The following GRIA3 variants were observed in gnomAD, a reference collection of about 807,000 sequenced individuals.
GRIA3 encodes the protein glutamate ionotropic receptor AMPA type subunit 3, also known as glutamate receptor 3.
Under a neutral mutation model 63.0 loss-of-function variants are expected in GRIA3, and 3 were observed. The observed-to-expected ratio is 0.05, with a 90% CI of 0.02 to 0.12. GRIA3 has a LOEUF of 0.12. GRIA3 is among the 10% of genes least tolerant of loss of function. The pLI, the probability that GRIA3 is intolerant of heterozygous loss-of-function variation, is 1.00. For synonymous variants in GRIA3, 274 were observed against 257.9 expected (o/e 1.06, Z -0.60); for missense variants, 347 against 700.9 (o/e 0.50, Z 5.70).
At chrX:123,203,988 C>T (rs6648979) in intron 2 of GRIA3, among the ~76,000 whole-genome samples, 7 of 111,922 alleles carry the variant, frequency 6.3e-5, no homozygotes, top group Admixed American at 1.9e-4. Flanking sequence ...CACTAGTGGG[C>T]GTCTTTTCCT....
At chrX:123,204,820 T>C in intron 2 of GRIA3, 1 of 258,316 alleles carries the variant, frequency 3.9e-6, no homozygotes, top group East Asian at 1.1e-4. Context: ...GGAAATCCCA[T>C]AGCTCATCTT....
At chrX:123,483,964 T>C (rs192902368) in intron 15 of GRIA3, among the ~76,000 whole-genome samples, 69 of 111,372 alleles carry the variant, frequency 6.2e-4, no homozygotes, top group African/African-American at 2.1e-3. Flanking sequence ...GGTGAAACAC[T>C]GCCACCTCAA....
At chrX:123,424,509 G>C (rs1033443921) in intron 11 of GRIA3, among the ~76,000 whole-genome samples, 8 of 111,700 alleles carry the variant, frequency 7.2e-5, no homozygotes, top group Non-Finnish European at 1.3e-4. Context: ...ATGCAAGCTT[G>C]TGCATTCCAC....
At chrX:123,423,484 T>C (rs1443978472) in intron 11 of GRIA3, among the ~76,000 whole-genome samples, 2 of 112,218 alleles carry the variant, frequency 1.8e-5, no homozygotes, top group Admixed American at 1.9e-4. Context: ...TAATAATAAA[T>C]TAATGAGGTA....
At chrX:123,465,256 C>A in intron 13 of GRIA3, 144 bp downstream of exon 13, 1 of 575,853 alleles carries the variant, frequency 1.7e-6, no homozygotes, top group Non-Finnish European at 2.7e-6. Flanking sequence ...TTAAATAAGA[C>A]GGTAAATTAT....
intron 5 of GRIA3, among the ~76,000 whole-genome samples, chrX:123,373,969 T>C (rs2045267130): frequency 8.9e-6 from 1 of 112,057 alleles, no homozygotes; most frequent in Non-Finnish European, 1.9e-5. Context: ...GGTTTTCTTC[T>C]AGGGTTTTTA....
chrX:123,189,639 T>G (rs1481553960), intron 2 of GRIA3, among the ~76,000 whole-genome samples: 1 of 112,844 alleles, frequency 8.9e-6, no homozygotes, highest in Non-Finnish European at 1.9e-5. Context: ...GATTACGCAC[T>G]GTTTGCAAGA....
At chrX:123,346,138 A>G (rs2045048027) in intron 4 of GRIA3, among the ~76,000 whole-genome samples, 1 of 111,856 alleles carries the variant, frequency 8.9e-6, no homozygotes, top group Non-Finnish European at 1.9e-5. Context: ...TAAGCCAGGC[A>G]GTCTAGCCTG....
intron 2 of GRIA3, among the ~76,000 whole-genome samples, chrX:123,243,785 C>G: frequency 8.9e-6 from 1 of 111,749 alleles, no homozygotes. Flanking sequence ...CTGCCACACA[C>G]TAGGAACCTG....
chrX:123,483,759 T>C (rs1377546793), intron 15 of GRIA3, among the ~76,000 whole-genome samples: 2 of 111,734 alleles, frequency 1.8e-5, no homozygotes, highest in East Asian at 5.7e-4. Context: ...GGTGAAACCC[T>C]GTCTCTACTA....
At chrX:123,244,765 T>A (rs182778542) in intron 2 of GRIA3, among the ~76,000 whole-genome samples, 1 of 112,110 alleles carries the variant, frequency 8.9e-6, no homozygotes, top group Non-Finnish European at 1.9e-5. Flanking sequence ...CATCTTACAA[T>A]GCACAGGACA....
intron 13 of GRIA3, among the ~76,000 whole-genome samples, chrX:123,479,342 C>A (rs771952664): frequency 8.9e-6 from 1 of 112,016 alleles, no homozygotes; most frequent in Admixed American, 9.4e-5. Context: ...CAAAAACAAT[C>A]CATAGACCAG....
chrX:123,470,984 T>C (rs2045859488), intron 13 of GRIA3, among the ~76,000 whole-genome samples: 1 of 112,294 alleles, frequency 8.9e-6, no homozygotes, highest in Non-Finnish European at 1.9e-5. Context: ...TGGCACTTCC[T>C]GGGTCTTAGC....
chrX:123,316,247 A>C (rs1447415846), intron 3 of GRIA3, among the ~76,000 whole-genome samples: 2 of 111,695 alleles, frequency 1.8e-5, no homozygotes, highest in Non-Finnish European at 3.8e-5. Flanking sequence ...GGACAAAGGA[A>C]ATAAACAGGC....
rs769755692 is a variant in GRIA3 at position 123,347,487 on chromosome X, A to C, written c.697-7423A>C. On this transcript the variant is annotated intron_variant, in intron 4 of 15. Coordinates refer to ENST00000620443, the MANE Select transcript of GRIA3 (RefSeq NM_007325.5). ...CACTCACTTCTTTCAGCAATCAGAAAATCTCCATAGATGAGGATATCAAGT... is the reference window on the plus strand; with the variant it reads ...CACTCACTTCTTTCAGCAATCAGAACATCTCCATAGATGAGGATATCAAGT... 2.7e-5 allele frequency among the ~76,000 whole-genome samples: 3 copies of C among 112,391 alleles called. No individual in the cohort carries two copies. The South Asian group carries it at 1.1e-3, about 41-fold the overall frequency.
In GRIA3 at chrX:123,413,059, T is replaced by C. The variant is rs766428254; in HGVS notation, c.1501-4343T>C. Among the ~76,000 whole-genome samples, 3 of 112,048 alleles carry C rather than the reference T, an allele frequency of 2.7e-5. No individual in the cohort carries two copies. In the East Asian group the frequency reaches 8.5e-4, roughly 32 times the overall value. On this transcript the variant is annotated intron_variant, in intron 10 of 15. Transcript: ENST00000620443. ...AATGGCCTTCTTTGGGAATCTGTTC[T>C]TTTGATGAATGTTCCTGGGAATCAG...
intron 4 of GRIA3, among the ~76,000 whole-genome samples, chrX:123,345,556 C>T (rs1004171330): frequency 2.7e-5 from 3 of 109,275 alleles, no homozygotes; most frequent in Admixed American, 9.8e-5. Flanking sequence ...ATGCTAGGGG[C>T]GGGAGAGGAT....
intron 5 of GRIA3, among the ~76,000 whole-genome samples, chrX:123,377,080 G>A (rs942707262): frequency 9.2e-6 from 1 of 109,234 alleles, no homozygotes; most frequent in African/African-American, 3.3e-5. Context: ...GACTATAGGC[G>A]CCCGCCACCA....
intron 3 of GRIA3, among the ~76,000 whole-genome samples, chrX:123,264,034 G>A (rs899857956): frequency 8.9e-6 from 1 of 112,152 alleles, no homozygotes; most frequent in African/African-American, 3.2e-5. Context: ...GACCCATAGT[G>A]AGCTATTAAG....
Sources: allele counts gnomAD v4.1 joint callset (sites outside exome capture counted in the v4.1 genomes callset), GRCh38; gene constraint gnomAD v4.1.1; transcripts MANE v1.5; gene names NCBI Gene and HGNC (gene_info 2026-07-23, HGNC 2026-07-21).